Variants in TMOD2 observed in about 807,000 individuals in gnomAD.
The protein encoded by TMOD2 is tropomodulin-2.
TMOD2 carries 22 observed loss-of-function variants against 39.9 expected under a neutral mutation model. The ratio of observed to expected loss-of-function variants is 0.55; its 90% CI spans 0.39 to 0.79. The LOEUF is 0.79. TMOD2 is among the 30% of genes least tolerant of loss of function. The pLI is 0.00. For missense variants in TMOD2, 386 were observed against 413.3 expected (o/e 0.93, Z 0.57); for synonymous variants, 123 against 146.1 (o/e 0.84, Z 1.14).
intron 4 of TMOD2, among the ~76,000 whole-genome samples, chr15:51,776,035 T>C (rs1467834868): frequency 6.6e-6 from 1 of 152,194 alleles, no homozygotes; most frequent in African/African-American, 2.4e-5. Flanking sequence ...ACTTCCCAAG[T>C]CACACAGTTT....
intron 8 of TMOD2, among the ~76,000 whole-genome samples, chr15:51,800,371 C>T (rs2056079356): frequency 2.0e-5 from 3 of 152,100 alleles, no homozygotes; most frequent in Admixed American, 2.0e-4. Flanking sequence ...CCCATATCTG[C>T]CAAAAAATCC....
chr15:51,764,627 G>T (rs2055804332), intron 1 of TMOD2, among the ~76,000 whole-genome samples: 1 of 152,184 alleles, frequency 6.6e-6, no homozygotes. Flanking sequence ...GCAAGGCGCA[G>T]AAGGAAGGCC....
intron 1 of TMOD2, among the ~76,000 whole-genome samples, chr15:51,755,108 G>T (rs572008609): frequency 1.3e-5 from 2 of 152,192 alleles, no homozygotes; most frequent in South Asian, 4.1e-4. Flanking sequence ...AAATTCTCCT[G>T]CTTAGTCCTT....
chr15:51,785,917 G>A (rs1245990589), intron 7 of TMOD2, among the ~76,000 whole-genome samples: 2 of 151,658 alleles, frequency 1.3e-5, no homozygotes, highest in African/African-American at 2.4e-5. Context: ...CCAAAAATAT[G>A]TACAACTATT....
intron 8 of TMOD2, among the ~76,000 whole-genome samples, chr15:51,800,120 C>G (rs1298643871): frequency 1.3e-5 from 2 of 152,166 alleles, no homozygotes; most frequent in Non-Finnish European, 2.9e-5. Flanking sequence ...ATCAGAAAGT[C>G]AAACTTAACT....
At chr15:51,754,739 G>C (rs549496220) in intron 1 of TMOD2, among the ~76,000 whole-genome samples, 2 of 152,216 alleles carry the variant, frequency 1.3e-5, no homozygotes, top group South Asian at 4.1e-4. Flanking sequence ...TGGACAAGTT[G>C]GTTTATTCTT....
intron 6 of TMOD2, among the ~76,000 whole-genome samples, chr15:51,781,761 C>A (rs1480149183): frequency 2.0e-5 from 3 of 151,726 alleles, no homozygotes; most frequent in Non-Finnish European, 4.4e-5. Flanking sequence ...CCACTTTATT[C>A]AATTTGATAA....
intron 1 of TMOD2, among the ~76,000 whole-genome samples, chr15:51,763,523 T>TA (rs1335144952): frequency 1.3e-5 from 2 of 152,128 alleles, no homozygotes; most frequent in Non-Finnish European, 2.9e-5. Flanking sequence ...AAAAAATCTG[T>TA]AAAAAAACAA....
At position 51,765,235 on chromosome 15, in the gene TMOD2, A is replaced by G. The variant is rs1300067316; in HGVS notation, c.-69-1138A>G. 2.0e-5 allele frequency among the ~76,000 whole-genome samples: 3 copies of G among 152,236 alleles called. No homozygotes were observed. In the East Asian group the frequency reaches 5.8e-4, roughly 29 times the overall value. ...AGGCTGGTCTCAAACTCCTGACCTCAGGTGATCCACCTGCCTTGGCCTTCC... is the reference window on the plus strand; with the variant it reads ...AGGCTGGTCTCAAACTCCTGACCTCGGGTGATCCACCTGCCTTGGCCTTCC... On this transcript the variant is annotated intron_variant, in intron 1 of 9. Transcript: ENST00000249700.
At chr15:51,764,116 A>ATC (rs2055799964) in intron 1 of TMOD2, among the ~76,000 whole-genome samples, 1 of 151,812 alleles carries the variant, frequency 6.6e-6, no homozygotes, top group East Asian at 1.9e-4. Flanking sequence ...GGGAGACCTC[A>ATC]TCTCTACAAA....
At chr15:51,801,231 TCTCTCTCACA>T (rs1282006717) in intron 8 of TMOD2, among the ~76,000 whole-genome samples, 119 of 97,408 alleles carry the variant, frequency 1.2e-3, no homozygotes, top group African/African-American at 4.2e-3. Flanking sequence ...TCTCTCTCTC[TCTCTCTCACA>T]CACACACACA....
At chr15:51,807,008 C>T (rs1307146327) in intron 9 of TMOD2, among the ~76,000 whole-genome samples, 1 of 152,234 alleles carries the variant, frequency 6.6e-6, no homozygotes, top group African/African-American at 2.4e-5. Context: ...TTAGCCCCTT[C>T]AGTTTTTCGT....
At chr15:51,752,665 C>T (rs2055714273) in intron 1 of TMOD2, 1 of 152,208 alleles carries the variant, frequency 6.6e-6, no homozygotes, top group African/African-American at 2.4e-5. Flanking sequence ...GATTTGTAAA[C>T]CTCTGTTCTT....
rs1174573401 is a variant in TMOD2 at position 51,812,136 on chromosome 15, T to C, written c.*3682T>C. ...CTTCCCTCGTCCCTGTCCAAGTTGCTGCAGGCCCAGGTTAGAAGATTACCA... is the reference window on the plus strand; with the variant it reads ...CTTCCCTCGTCCCTGTCCAAGTTGCCGCAGGCCCAGGTTAGAAGATTACCA... On this transcript the variant is annotated 3_prime_UTR_variant, in exon 10 of 10. Transcript: ENST00000249700. The C allele has an allele frequency of 1.3e-5, 2 of 152,256 alleles. No homozygotes were observed. The highest frequency in any genetic ancestry group is 2.9e-5 in the Non-Finnish European group (2 of 68,054). 9.4% of individuals were successfully genotyped at this position (152,256 alleles called of 1,614,324 possible).
At chr15:51,781,819 A>AGTGT (rs771086308) in intron 6 of TMOD2, among the ~76,000 whole-genome samples, 7 of 123,198 alleles carry the variant, frequency 5.7e-5, no homozygotes, top group South Asian at 2.4e-4. Context: ...AGAGAGAGAG[A>AGTGT]GAGAGTGTGT....
At chr15:51,800,488 A>T (rs544631218) in intron 8 of TMOD2, among the ~76,000 whole-genome samples, 1 of 152,222 alleles carries the variant, frequency 6.6e-6, no homozygotes, top group African/African-American at 2.4e-5. Context: ...GTCAGCCAAG[A>T]TCATGCCACT....
intron 3 of TMOD2, among the ~76,000 whole-genome samples, chr15:51,770,827 T>A (rs936294613): frequency 6.6e-6 from 1 of 152,020 alleles, no homozygotes; most frequent in Non-Finnish European, 1.5e-5. Context: ...AATAAATAAA[T>A]AATAGTGAAC....
At chr15:51,779,403 CAG>C (rs753120703) in intron 5 of TMOD2, among the ~76,000 whole-genome samples, 57 of 148,594 alleles carry the variant, frequency 3.8e-4, no homozygotes, top group Non-Finnish European at 7.3e-4. Context: ...TTTTTTGAGA[CAG>C]AGTCTCGCTC....
chr15:51,760,066 A>T (rs2055770218), intron 1 of TMOD2, among the ~76,000 whole-genome samples: 1 of 152,242 alleles, frequency 6.6e-6, no homozygotes, highest in Admixed American at 6.5e-5. Flanking sequence ...TTCCTGGAGC[A>T]CAGAGCAGCA....
Sources: gnomAD v4.1 joint callset for allele counts (sites outside exome capture counted in the v4.1 genomes callset) on GRCh38, gnomAD v4.1.1 for gene constraint, MANE v1.5 for transcripts, NCBI Gene and HGNC (gene_info 2026-07-23, HGNC 2026-07-21) for gene names.